The following AQP8 variants were observed in gnomAD, a reference collection of about 807,000 sequenced individuals.
AQP8 encodes the protein aquaporin-8.
Under a neutral mutation model 26.1 loss-of-function variants are expected in AQP8, and 14 were observed. The observed-to-expected ratio is 0.54, with a 90% confidence interval of 0.35 to 0.84. The LOEUF (loss-of-function observed/expected upper bound fraction) is 0.84, where lower values mean the gene tolerates loss of function less well. AQP8 is among the 40% of genes least tolerant of loss of function. AQP8 has a pLI of 0.01. For missense variants in AQP8, 301 were observed against 340.5 expected, an observed-to-expected ratio of 0.88 and a Z score of 0.91; for synonymous variants, 131 against 150.7, an observed-to-expected ratio of 0.87 and a Z score of 0.96.
chr16:25,221,127 C>G (rs1290838393), intron 2 of AQP8, among the ~76,000 whole-genome samples: 1 of 152,200 alleles, frequency 6.6e-6, no homozygotes, highest in Non-Finnish European at 1.5e-5. Context: ...GTATCTCAAT[C>G]TGACCTGTGG....
chr16:25,217,350 G>A lies in AQP8; in HGVS notation c.165G>A (p.Ser55=), dbSNP rs185645626. ...SALFIFIGCL[S]VIENGTDTGL... ...TCTTCATCTTCATCGGGTGCCTGTC[G>A]GTCATTGAGAATGGGACGGACACTG... Residue 55 remains serine, a synonymous_variant, in exon 2 of 6, where the codon TCG becomes TCA. Transcript: ENST00000219660. 137 of 1,614,106 alleles carry A rather than the reference G, an allele frequency of 8.5e-5. 1 individual carries two copies. Among genetic ancestry groups the A allele is most frequent in the African/African-American group, 3.3e-4 (25 of 75,020 alleles).
At position 25,217,037 on chromosome 16, in the gene AQP8, C is replaced by T. The variant is rs201898400; in HGVS notation, c.-9C>T. On this transcript the variant is annotated 5_prime_UTR_variant, in exon 1 of 6. Coordinates refer to ENST00000219660, the MANE Select transcript of AQP8 (RefSeq NM_001169.3). ...GGCAAGAGTCCGATGTTTGTGCCATCTGATCCTGATGTCTGGAGAGGTGAG... is the reference window on the plus strand; with the variant it reads ...GGCAAGAGTCCGATGTTTGTGCCATTTGATCCTGATGTCTGGAGAGGTGAG... 24 of 1,614,030 alleles carry T rather than the reference C, an allele frequency of 1.5e-5. No individual in the cohort carries two copies. In the East Asian group the frequency reaches 5.3e-4, roughly 36 times the overall value.
chr16:25,225,139 T>A (rs142947134), intron 4 of AQP8, among the ~76,000 whole-genome samples: 1 of 152,328 alleles, frequency 6.6e-6, no homozygotes, highest in East Asian at 1.9e-4. Context: ...GACAAGAGGC[T>A]GAGTGAACCC....
chr16:25,223,987 C>T (rs1358664601), intron 3 of AQP8, among the ~76,000 whole-genome samples: 2 of 152,058 alleles, frequency 1.3e-5, no homozygotes, highest in Non-Finnish European at 2.9e-5. Flanking sequence ...CCACTTCACC[C>T]CGCTAATTTT....
intron 4 of AQP8, 72 bp downstream of exon 4, chr16:25,224,648 G>C (rs1035819165): frequency 1.1e-5 from 16 of 1,463,180 alleles, no homozygotes; most frequent in Admixed American, 2.0e-5. Context: ...TTTCAGGCCT[G>C]AGGGTCACAG....
At chr16:25,222,043 C>T (rs761901031) in intron 3 of AQP8, among the ~76,000 whole-genome samples, 2 of 152,136 alleles carry the variant, frequency 1.3e-5, no homozygotes, top group Non-Finnish European at 2.9e-5. Flanking sequence ...GCTGGGGTTA[C>T]AGGCATGAGC....
At chr16:25,219,516 A>G (rs1481490465) in intron 2 of AQP8, among the ~76,000 whole-genome samples, 1 of 151,460 alleles carries the variant, frequency 6.6e-6, no homozygotes, top group Admixed American at 6.6e-5. Flanking sequence ...TTTTATTGCT[A>G]ATGAGTGTAA....
At chr16:25,228,049 T>C (rs1386808668) in intron 5 of AQP8, among the ~76,000 whole-genome samples, 1 of 137,854 alleles carries the variant, frequency 7.3e-6, no homozygotes, top group Non-Finnish European at 1.5e-5. Context: ...GTGGATCACT[T>C]GAAGTCAGGA....
chr16:25,225,656 G>A (rs1024251242), intron 4 of AQP8, among the ~76,000 whole-genome samples: 5 of 151,862 alleles, frequency 3.3e-5, no homozygotes, highest in Non-Finnish European at 7.4e-5. Context: ...TGATCCGCCC[G>A]CCTTGGCCTC....
intron 5 of AQP8, among the ~76,000 whole-genome samples, chr16:25,228,055 CAGG>C (rs111480606): frequency 0.24 from 35,638 of 150,806 alleles, 4,847 homozygotes; most frequent in African/African-American, 0.35. Flanking sequence ...CACTTGAAGT[CAGG>C]AGTTGGAGAC....
At chr16:25,217,085 C>A (rs1480952672) in intron 1 of AQP8, 28 bp downstream of exon 1, 1 of 1,613,928 alleles carries the variant, frequency 6.2e-7, no homozygotes, top group Admixed American at 1.7e-5. Flanking sequence ...ATCTTCCTCT[C>A]CAGGCTGGCA....
chr16:25,225,045 T>C (rs1017857695), intron 4 of AQP8, among the ~76,000 whole-genome samples: 1 of 152,204 alleles, frequency 6.6e-6, no homozygotes, highest in Admixed American at 6.5e-5. Context: ...TCCCGTTTTA[T>C]AGATAAGGAA....
At chr16:25,224,766 C>T (rs564197166) in intron 4 of AQP8, among the ~76,000 whole-genome samples, 190 bp downstream of exon 4, 4 of 152,326 alleles carry the variant, frequency 2.6e-5, no homozygotes, top group Admixed American at 1.3e-4. Flanking sequence ...GTGCTGCAGT[C>T]AGTTCAGCTC....
intron 4 of AQP8, among the ~76,000 whole-genome samples, chr16:25,226,589 C>G (rs930007464): frequency 1.3e-5 from 2 of 152,052 alleles, no homozygotes; most frequent in African/African-American, 4.8e-5. Flanking sequence ...TACAGGTATG[C>G]AATGTGTAAT....
chr16:25,225,442 C>T (rs1332391438), intron 4 of AQP8, among the ~76,000 whole-genome samples: 5 of 151,768 alleles, frequency 3.3e-5, no homozygotes, highest in Non-Finnish European at 7.4e-5. Flanking sequence ...CTTTGCTGCC[C>T]CCTAGTGGTC....
intron 5 of AQP8, 128 bp downstream of exon 5, chr16:25,227,330 G>T: frequency 8.1e-7 from 1 of 1,231,604 alleles, no homozygotes. Flanking sequence ...CTCTTTAGAG[G>T]CAAAGAAAAT....
Position 25,226,539 on chromosome 16 carries a change from G to A in AQP8, c.603-529G>A, listed in dbSNP as rs538345968. ...CCTAAACTGCTGGGATTTCAGGCAT[G>A]AGCCTCTGTGTCTGGCTGAGGTTAC... On this transcript the variant is annotated intron_variant, in intron 4 of 5. Coordinates refer to ENST00000219660, the MANE Select transcript of AQP8 (RefSeq NM_001169.3). 5.5e-4 allele frequency among the ~76,000 whole-genome samples: 84 copies of A among 152,264 alleles called. 3 individuals carry two copies. In the South Asian group the frequency reaches 0.017, roughly 30 times the overall value.
chr16:25,224,554 G>A lies in AQP8; in HGVS notation c.580G>A (p.Val194Ile), dbSNP rs373200224. ...PLAPFSIGFA[V>I]TVDILAGGPV... ...GGCCCCGTTCTCCATCGGCTTTGCC[G>A]TCACCGTGGATATCCTGGCTGGGTG... The change falls in exon 4 of 6, where the codon GTC becomes ATC. Residue 194 changes from valine to isoleucine, a missense_variant. Physicochemically the swap from Val to Ile is conservative, Grantham distance 29. Coordinates refer to ENST00000219660, the MANE Select transcript of AQP8 (RefSeq NM_001169.3). 466 of 1,612,372 alleles carry A rather than the reference G, an allele frequency of 2.9e-4. 7 individuals are homozygous for A. The highest frequency in any genetic ancestry group is 2.3e-3 in the South Asian group (209 of 91,058).
chr16:25,223,314 T>G (rs559151880), intron 3 of AQP8, among the ~76,000 whole-genome samples: 1 of 152,244 alleles, frequency 6.6e-6, no homozygotes. Context: ...AGCTCAGGCT[T>G]CAGGGCTCTC....
Sources: allele counts gnomAD v4.1 joint callset (sites outside exome capture counted in the v4.1 genomes callset), GRCh38; gene constraint gnomAD v4.1.1; transcripts MANE v1.5; gene names NCBI Gene and HGNC (gene_info 2026-07-23, HGNC 2026-07-21).